The following OLA1 variants were observed in gnomAD, a reference collection of about 807,000 sequenced individuals.
OLA1 encodes Obg like ATPase 1.
Under a neutral mutation model 48.4 loss-of-function variants are expected in OLA1, and 14 were observed. The ratio of observed to expected loss-of-function variants is 0.29; its 90% confidence interval spans 0.19 to 0.45. The LOEUF is 0.45. Among genes scored for constraint, OLA1 ranks in the 20% least tolerant of loss-of-function variants. The pLI, the probability that OLA1 is intolerant of heterozygous loss-of-function variation, is 1.00. For missense variants in OLA1, 325 were observed against 467.1 expected, an observed-to-expected ratio of 0.70 and a Z score of 2.80; for synonymous variants, 127 against 150.4, an observed-to-expected ratio of 0.84 and a Z score of 1.14.
chr2:174,125,393 AC>A (rs1686024606), intron 5 of OLA1, among the ~76,000 whole-genome samples: 2 of 152,294 alleles, frequency 1.3e-5, no homozygotes, highest in South Asian at 4.1e-4. Context: ...CCAGCTGGTT[AC>A]TATGATGAGT....
At chr2:174,222,890 T>G (rs1476303154) in intron 4 of OLA1, 143 bp downstream of exon 4, 1 of 792,164 alleles carries the variant, frequency 1.3e-6, no homozygotes, top group Non-Finnish European at 2.0e-6. Flanking sequence ...AACATTAAAG[T>G]CACAGATTTA....
chr2:174,095,014 TG>T (rs1282334551), intron 7 of OLA1, among the ~76,000 whole-genome samples: 3 of 152,262 alleles, frequency 2.0e-5, no homozygotes, highest in Non-Finnish European at 4.4e-5. Context: ...TTCTATTGTT[TG>T]TATGTCTATA....
chr2:174,230,546 A>T (rs1418847156), intron 2 of OLA1, among the ~76,000 whole-genome samples: 1 of 152,222 alleles, frequency 6.6e-6, no homozygotes, highest in Non-Finnish European at 1.5e-5. Flanking sequence ...GGAGAAAAAA[A>T]TAGTACCTCC....
chr2:174,175,125 C>T (rs529577286), intron 4 of OLA1, among the ~76,000 whole-genome samples: 1 of 151,442 alleles, frequency 6.6e-6, no homozygotes, highest in Non-Finnish European at 1.5e-5. Context: ...ATGACAGGCC[C>T]GAATGTAAGA....
chr2:174,112,145 G>T (rs1685668784), intron 7 of OLA1, among the ~76,000 whole-genome samples: 1 of 152,134 alleles, frequency 6.6e-6, no homozygotes, highest in Non-Finnish European at 1.5e-5. Flanking sequence ...ACTGGTATAT[G>T]ACACATTTCT....
intron 1 of OLA1, among the ~76,000 whole-genome samples, chr2:174,247,472 T>G (rs941918891): frequency 3.9e-5 from 6 of 152,236 alleles, no homozygotes; most frequent in African/African-American, 9.6e-5. Flanking sequence ...CACAAAACAC[T>G]TTATATCTTA....
chr2:174,095,325 G>GTTTTTTTTTTTTTTT (rs1205716344), intron 7 of OLA1, among the ~76,000 whole-genome samples: 24 of 77,956 alleles, frequency 3.1e-4, no homozygotes, highest in African/African-American at 4.0e-4. Context: ...GTTATTTCCT[G>GTTTTTTTTTTTTTTT]TTTTTTTTTT....
intron 4 of OLA1, among the ~76,000 whole-genome samples, chr2:174,199,964 G>C (rs1202057687): frequency 6.6e-6 from 1 of 151,820 alleles, no homozygotes; most frequent in East Asian, 1.9e-4. Context: ...TAAGAATCCA[G>C]CTGTCCTCTC....
rs145272096 is a variant in OLA1 at position 174,112,554 on chromosome 2, G to A, written c.728+10626C>T. On this transcript the variant is annotated intron_variant, in intron 7 of 10. Transcript: ENST00000284719. ...AGGAATCCTAAGCCCCCAGTGCAAT[G>A]GGATTGGGAAGTGGGACCTTTAAGA... Among the ~76,000 whole-genome samples, 1,099 of 152,312 alleles carry A rather than the reference G, an allele frequency of 7.2e-3. 11 individuals are homozygous for A. The highest frequency in any genetic ancestry group is 0.011 in the Non-Finnish European group (774 of 68,028).
intron 4 of OLA1, among the ~76,000 whole-genome samples, chr2:174,205,324 G>C (rs1688084818): frequency 6.6e-6 from 1 of 151,808 alleles, no homozygotes; most frequent in Non-Finnish European, 1.5e-5. Flanking sequence ...GGGCGGAGAA[G>C]ATTTCAAGAC....
At chr2:174,223,280 A>G (rs1688545842) in intron 3 of OLA1, 120 bp from the exon 4 acceptor site, 15 of 966,210 alleles carry the variant, frequency 1.6e-5, no homozygotes, top group Non-Finnish European at 2.3e-5. Flanking sequence ...AACAATAATG[A>G]TTTGATAAAT....
At chr2:174,184,501 G>A (rs1687610180) in intron 4 of OLA1, among the ~76,000 whole-genome samples, 1 of 152,170 alleles carries the variant, frequency 6.6e-6, no homozygotes, top group Non-Finnish European at 1.5e-5. Context: ...ACTATCAGGA[G>A]AACAGAGAAG....
chr2:174,191,174 C>T (rs1253589458), intron 4 of OLA1, among the ~76,000 whole-genome samples: 5 of 151,888 alleles, frequency 3.3e-5, no homozygotes, highest in Non-Finnish European at 7.4e-5. Context: ...TTGATTTAGC[C>T]AATCCACAAC....
chr2:174,206,937 T>A (rs1000811741), intron 4 of OLA1, among the ~76,000 whole-genome samples: 3 of 152,192 alleles, frequency 2.0e-5, no homozygotes, highest in African/African-American at 4.8e-5. Context: ...AAAAACTCCA[T>A]TATTTTAGGA....
At chr2:174,088,025 T>G (rs2105344007) in intron 7 of OLA1, among the ~76,000 whole-genome samples, 1 of 152,344 alleles carries the variant, frequency 6.6e-6, no homozygotes, top group East Asian at 1.9e-4. Flanking sequence ...CATCTTCACT[T>G]TAAAAATAAA....
intron 4 of OLA1, among the ~76,000 whole-genome samples, chr2:174,165,746 C>G (rs566859158): frequency 6.6e-6 from 1 of 152,160 alleles, no homozygotes; most frequent in Non-Finnish European, 1.5e-5. Flanking sequence ...ATTTCAGTAA[C>G]AGAGACAAAA....
chr2:174,195,615 A>G (rs1335159337), intron 4 of OLA1, among the ~76,000 whole-genome samples: 1 of 152,234 alleles, frequency 6.6e-6, no homozygotes, highest in Non-Finnish European at 1.5e-5. Flanking sequence ...TAAAAAGAAC[A>G]AAAAGGTCTT....
At position 174,123,613 on chromosome 2, in the gene OLA1, A is replaced by G. The variant is rs776832029; in HGVS notation, c.612T>C (p.His204=). The G allele has an allele frequency of 2.5e-6, 4 of 1,593,892 alleles. No homozygotes were observed. Among genetic ancestry groups the G allele is most frequent in the African/African-American group, 1.3e-5 (1 of 74,118 alleles). Residue 204 remains histidine, a synonymous_variant, in exon 6 of 11, where the codon CAT becomes CAC. Coordinates refer to ENST00000284719, the MANE Select transcript of OLA1 (RefSeq NM_013341.5). ...IDQKKPVRFY[H]DWNDKEIEVL... ...AACTTACCTCTTTGTCATTCCAATC[A>G]TGATAGAAGCGAACAGGTTTCTTTT...
chr2:174,235,001 A>T (rs1688812609), intron 2 of OLA1, among the ~76,000 whole-genome samples: 1 of 152,094 alleles, frequency 6.6e-6, no homozygotes, highest in Non-Finnish European at 1.5e-5. Context: ...TCTACTAAAA[A>T]TACAAAAATT....
Sources: gnomAD v4.1 joint callset for allele counts (sites outside exome capture counted in the v4.1 genomes callset) on GRCh38, gnomAD v4.1.1 for gene constraint, MANE v1.5 for transcripts, NCBI Gene and HGNC (gene_info 2026-07-23, HGNC 2026-07-21) for gene names.